TRAPPC8: variants seen among roughly 807,000 people sequenced by gnomAD.
The protein encoded by TRAPPC8 is general sporulation gene 1 homolog.
In TRAPPC8, 54 loss-of-function variants were observed where a neutral mutation model predicts 174.3. The observed-to-expected ratio is 0.31, with a 90% CI of 0.25 to 0.39. The LOEUF is 0.39. TRAPPC8 is among the 10% of genes least tolerant of loss of function. The pLI is 1.00. For synonymous variants in TRAPPC8, 630 were observed against 579.9 expected, an observed-to-expected ratio of 1.09 and a Z score of -1.24; for missense variants, 1,531 against 1,699.1, an observed-to-expected ratio of 0.90 and a Z score of 1.74.
intron 19 of TRAPPC8, among the ~76,000 whole-genome samples, chr18:31,861,556 T>C (rs1389956565): frequency 3.9e-5 from 6 of 152,192 alleles, no homozygotes; most frequent in Non-Finnish European, 8.8e-5. Context: ...CATAGGAATA[T>C]GTTATTTGAG....
intron 1 of TRAPPC8, 52 bp from the exon 2 acceptor site, chr18:31,931,575 T>C: frequency 7.2e-7 from 1 of 1,382,774 alleles, no homozygotes; most frequent in South Asian, 1.7e-5. Flanking sequence ...CAATGCATAA[T>C]AACCCAAAAT....
rs373426931 is a variant in TRAPPC8 at position 31,857,884 on chromosome 18, C to T, written c.2844G>A (p.Leu948=). The T allele has an allele frequency of 5.6e-6, 9 of 1,614,068 alleles. No individual in the cohort carries two copies. Among genetic ancestry groups the T allele is most frequent in the Non-Finnish European group, 7.6e-6 (9 of 1,180,032 alleles). Reference sequence around the variant, plus strand: ...ACTCTGGACGTTTAGAAACAACCTTCAATCCAGTAAGTGGACATTTGCTGA... The same window carrying T: ...ACTCTGGACGTTTAGAAACAACCTTTAATCCAGTAAGTGGACATTTGCTGA... ...VNVSKCPLTG[L]KVVSKRPEFF... is the part of the protein sequence containing the mutation. Residue 948 remains leucine, a synonymous_variant, in exon 20 of 29, where the codon TTG becomes TTA. Coordinates refer to ENST00000283351, the MANE Select transcript of TRAPPC8 (RefSeq NM_014939.5).
At chr18:31,893,268 T>TAAA (rs1568102202) in intron 11 of TRAPPC8, among the ~76,000 whole-genome samples, 1 of 152,168 alleles carries the variant, frequency 6.6e-6, no homozygotes, top group Non-Finnish European at 1.5e-5. Context: ...TTTATTCTTT[T>TAAA]GCAGGGAAGC....
At chr18:31,835,268 T>A (rs1258170769) in intron 27 of TRAPPC8, among the ~76,000 whole-genome samples, 1 of 152,124 alleles carries the variant, frequency 6.6e-6, no homozygotes, top group Non-Finnish European at 1.5e-5. Context: ...GCTGTATCGG[T>A]CAAGCAGAGG....
chr18:31,839,525 G>C (rs974657616), intron 26 of TRAPPC8, 68 bp from the exon 27 acceptor site: 1 of 1,336,140 alleles, frequency 7.5e-7, no homozygotes, highest in Non-Finnish European at 1.0e-6. Context: ...AAAAAGCATA[G>C]TGTATATATA....
At chr18:31,904,236 CA>C (rs113613252) in intron 9 of TRAPPC8, among the ~76,000 whole-genome samples, 4,324 of 92,014 alleles carry the variant, frequency 0.047, 183 homozygotes, top group African/African-American at 0.14. Flanking sequence ...ACCTTGCCTC[CA>C]AAAAAAAAAA....
At position 31,857,988 on chromosome 18, in the gene TRAPPC8, T is replaced by C. The variant is rs773491994; in HGVS notation, c.2746-6A>G. On this transcript the variant is annotated splice_region_variant and splice_polypyrimidine_tract_variant and intron_variant, in intron 19 of 28. Transcript: ENST00000283351. ...GGAAAATGTATAAAGAACACCTGCA[T>C]TGGAGGGAAAAAATATTATTATTTG... 2 of 1,571,344 alleles carry C rather than the reference T, an allele frequency of 1.3e-6. No homozygotes were observed. Among genetic ancestry groups the C allele is most frequent in the Non-Finnish European group, 1.7e-6 (2 of 1,161,332 alleles).
At chr18:31,863,346 C>T (rs1051497672) in intron 19 of TRAPPC8, among the ~76,000 whole-genome samples, 1 of 152,106 alleles carries the variant, frequency 6.6e-6, no homozygotes, top group Non-Finnish European at 1.5e-5. Context: ...TATATCTCTC[C>T]ACCCAGTAAT....
chr18:31,893,778 C>T (rs1449257614), intron 11 of TRAPPC8, among the ~76,000 whole-genome samples: 1 of 152,032 alleles, frequency 6.6e-6, no homozygotes, highest in Non-Finnish European at 1.5e-5. Context: ...TTTTTAAGTG[C>T]TGTAATTTCT....
rs780509377 is a variant in TRAPPC8 at position 31,931,365 on chromosome 18, C to G, written c.316G>C (p.Val106Leu). Residue 106 changes from valine (V) to leucine (L), a missense_variant, in exon 2 of 29, where the codon GTG becomes CTG. Val to Leu is a conservative substitution (Grantham distance 32). Coordinates refer to ENST00000283351, the MANE Select transcript of TRAPPC8 (RefSeq NM_014939.5). ...AGGTCATAATCTCCTGCTGTAATCA[C>G]ATTAGCTACTAATCCTTCTGCAGGC... ...SQPAEGLVAN[V>L]ITAGDYDLNI... 1.2e-6 allele frequency: 2 copies of G among 1,608,982 alleles called. No homozygotes were observed. Among genetic ancestry groups the G allele is most frequent in the South Asian group, 2.2e-5 (2 of 89,900 alleles).
intron 2 of TRAPPC8, among the ~76,000 whole-genome samples, chr18:31,926,287 C>T (rs953070879): frequency 3.9e-5 from 6 of 152,222 alleles, no homozygotes; most frequent in African/African-American, 1.4e-4. Flanking sequence ...CCCCCAAGGA[C>T]CAATTTTTAC....
intron 2 of TRAPPC8, among the ~76,000 whole-genome samples, chr18:31,925,456 A>G (rs2037573624): frequency 6.6e-6 from 1 of 152,152 alleles, no homozygotes; most frequent in South Asian, 2.1e-4. Flanking sequence ...GGATATTCAC[A>G]CCCAGAAAAA....
intron 25 of TRAPPC8, among the ~76,000 whole-genome samples, chr18:31,847,920 C>T (rs772820897): frequency 6.6e-6 from 1 of 151,990 alleles, no homozygotes; most frequent in Non-Finnish European, 1.5e-5. Context: ...GTATTATGTC[C>T]CTTTTTCAAC....
At chr18:31,930,861 T>G (rs549989924) in intron 2 of TRAPPC8, among the ~76,000 whole-genome samples, 139 of 152,216 alleles carry the variant, frequency 9.1e-4, no homozygotes, top group African/African-American at 3.3e-3. Context: ...ACCCCCTATC[T>G]CTATAAAAAT....
At chr18:31,932,739 T>C (rs532622431) in intron 1 of TRAPPC8, among the ~76,000 whole-genome samples, 55 of 152,004 alleles carry the variant, frequency 3.6e-4, no homozygotes, top group Non-Finnish European at 7.6e-4. Flanking sequence ...CCCAGCACTT[T>C]AGTAGGTAGA....
chr18:31,932,196 G>A (rs28504474), intron 1 of TRAPPC8, among the ~76,000 whole-genome samples: 7,212 of 152,088 alleles, frequency 0.047, 489 homozygotes, highest in African/African-American at 0.15. Context: ...TTGGGAGGCC[G>A]AGACAGACAG....
intron 21 of TRAPPC8, among the ~76,000 whole-genome samples, chr18:31,854,300 C>G (rs964846184): frequency 6.6e-6 from 1 of 152,034 alleles, no homozygotes; most frequent in Non-Finnish European, 1.5e-5. Context: ...TTTCTCTACT[C>G]TGAGATATCT....
chr18:31,857,860 C>T lies in TRAPPC8; in HGVS notation c.2868G>A (p.Glu956=). The part of the protein sequence containing the change: ...TGLKVVSKRP[E]FFTFGGNTAV... ...CAGTATTACCACCGAAAGTAAAGAA[C>T]TCTGGACGTTTAGAAACAACCTTCA... Residue 956 remains glutamate, a synonymous_variant, in exon 20 of 29, where the codon GAG becomes GAA. Coordinates refer to ENST00000283351, the MANE Select transcript of TRAPPC8 (RefSeq NM_014939.5). 6.2e-7 allele frequency: 1 copy of T among 1,614,180 alleles called. No individual in the cohort carries two copies. The highest frequency in any genetic ancestry group is 8.5e-7 in the Non-Finnish European group (1 of 1,180,036).
At chr18:31,861,249 A>G (rs1354734971) in intron 19 of TRAPPC8, among the ~76,000 whole-genome samples, 2 of 152,202 alleles carry the variant, frequency 1.3e-5, no homozygotes, top group African/African-American at 4.8e-5. Flanking sequence ...TCAACCAAAC[A>G]CCATTTTTGT....
Sources: gnomAD v4.1 joint callset for allele counts (sites outside exome capture counted in the v4.1 genomes callset) on GRCh38, gnomAD v4.1.1 for gene constraint, MANE v1.5 for transcripts, NCBI Gene and HGNC (gene_info 2026-07-23, HGNC 2026-07-21) for gene names.